The following RRM2 variants were observed in gnomAD, a reference collection of about 807,000 sequenced individuals.
RRM2 encodes ribonucleoside-diphosphate reductase subunit M2.
In RRM2, 6 loss-of-function variants were observed where a neutral mutation model predicts 45.9. The observed-to-expected ratio is 0.13, with a 90% CI of 0.07 to 0.26. The LOEUF is 0.26. Among genes scored for constraint, RRM2 ranks in the 10% least tolerant of loss-of-function variants. The pLI is 1.00. For missense variants in RRM2, 343 were observed against 489.5 expected, an observed-to-expected ratio of 0.70 and a Z score of 2.82; for synonymous variants, 177 against 173.0, an observed-to-expected ratio of 1.02 and a Z score of -0.18.
intron 3 of RRM2, among the ~76,000 whole-genome samples, chr2:10,184,807 A>C (rs1050056970): frequency 3.9e-5 from 6 of 152,170 alleles, no homozygotes; most frequent in African/African-American, 1.4e-4. Context: ...TCAACCATCC[A>C]CTTCTTGTGC....
In RRM2 at chr2:10,125,433, C is replaced by T. The variant is rs147566577; in HGVS notation, c.569+583C>T. ...CAAAGGTCAGCTTTAGGGTGGCGCG[C>T]GGTGGTTCTCGCCTGTAATCCCAGC... On this transcript the variant is annotated intron_variant, in intron 5 of 9. Transcript: ENST00000304567. Among the ~76,000 whole-genome samples, 344 of 152,196 alleles carry T rather than the reference C, an allele frequency of 2.3e-3. 1 individual carries two copies. The highest frequency in any genetic ancestry group is 7.9e-3 in the African/African-American group (327 of 41,526).
Position 10,127,293 on chromosome 2 carries a change from G to T in RRM2, c.798+73G>T, listed in dbSNP as rs952587321. On this transcript the variant is annotated intron_variant, in intron 7 of 9. Transcript: ENST00000304567. The surrounding 1 kb of genome is among the most constrained non-coding windows in gnomAD (Gnocchi z 4.1). ...CGGGCATGCTCTTGTGTTCACTGAC[G>T]GGGACCTGAGATGCTAGATGGCATA... 3.3e-6 allele frequency: 5 copies of T among 1,497,384 alleles called. No individual in the cohort carries two copies. The African/African-American group carries it at 4.1e-5, about 12-fold the overall frequency. The allele number at this position is 1,497,384 out of a possible 1,614,324, so 92.8% of individuals were successfully genotyped here. A position where few individuals can be genotyped will look rare whatever the true frequency, so the allele number is the denominator to read the frequency against.
At chr2:10,140,936 G>A (rs1663067390), upstream of RRM2, among the ~76,000 whole-genome samples, 1 of 152,198 alleles carries the variant, frequency 6.6e-6, no homozygotes, top group African/African-American at 2.4e-5. Flanking sequence ...TAGGGAGAGG[G>A]ACCCTGAGCT....
intron 3 of RRM2, among the ~76,000 whole-genome samples, chr2:10,191,718 C>T (rs370794180): frequency 6.6e-6 from 1 of 152,110 alleles, no homozygotes; most frequent in African/African-American, 2.4e-5. Context: ...ACCAGGCTAA[C>T]CTGCGGGGTC....
intron 3 of RRM2, among the ~76,000 whole-genome samples, chr2:10,151,806 G>T (rs1663317420): frequency 6.6e-6 from 1 of 152,046 alleles, no homozygotes; most frequent in Non-Finnish European, 1.5e-5. Flanking sequence ...CCTCCGAGTG[G>T]GTGTCTAGTG....
At chr2:10,132,754 G>A (rs1313082585), downstream of RRM2, among the ~76,000 whole-genome samples, 1 of 152,206 alleles carries the variant, frequency 6.6e-6, no homozygotes, top group East Asian at 1.9e-4. Context: ...GATTTGTAAT[G>A]TCAGGTTGGC....
At chr2:10,148,413 T>C (rs1663237681) in intron 3 of RRM2, among the ~76,000 whole-genome samples, 1 of 149,768 alleles carries the variant, frequency 6.7e-6, no homozygotes, top group East Asian at 1.9e-4. Flanking sequence ...AAAAAAAATA[T>C]TCAGTTATTG....
In RRM2 at chr2:10,169,206, T is replaced by TC. The variant is rs1439557753; in HGVS notation, n.482+26834dup. On this transcript the variant is annotated intron_variant and non_coding_transcript_variant, in intron 3 of 3. Coordinates refer to the RRM2 transcript ENST00000381786. The surrounding 1 kb of genome is among the most constrained non-coding windows in gnomAD (Gnocchi z 5.1). Reference sequence around the variant, plus strand: ...AGTGTTGCCCAGGCTAGTTTTGAACTCCCGGGCTCAATCCTCCTGCCTCAG... The same window carrying TC: ...AGTGTTGCCCAGGCTAGTTTTGAACTCCCCGGGCTCAATCCTCCTGCCTCAG... Among the ~76,000 whole-genome samples the TC allele has an allele frequency of 6.7e-6, 1 of 149,986 alleles. No individual in the cohort carries two copies. Among genetic ancestry groups the TC allele is most frequent in the Non-Finnish European group, 1.5e-5 (1 of 67,704 alleles).
chr2:10,144,821 C>A (rs1663155763), intron 3 of RRM2, among the ~76,000 whole-genome samples: 1 of 152,128 alleles, frequency 6.6e-6, no homozygotes, highest in Non-Finnish European at 1.5e-5. Context: ...ACATTGAGCA[C>A]CAAGGAGCTC....
intron 3 of RRM2, among the ~76,000 whole-genome samples, chr2:10,150,403 C>T (rs971909574): frequency 2.0e-5 from 3 of 149,404 alleles, no homozygotes; most frequent in African/African-American, 5.0e-5. Context: ...GCCGAGATCA[C>T]GCCACTGCAC....
Position 10,142,349 on chromosome 2 carries a change from G to A in RRM2, n.456G>A. The A allele has an allele frequency of 3.6e-6, 5 of 1,376,656 alleles. No individual in the cohort carries two copies. In the South Asian group the frequency reaches 5.7e-5, roughly 16 times the overall value. The allele number at this position is 1,376,656 out of a possible 1,614,324, so 85.3% of individuals were successfully genotyped here. Reference sequence around the variant, plus strand: ...AGGTGTTACTCGGGGTGCGCCAGTGGAAGCGGGAGGCAGTTGCAGCTTTCA... The same window carrying A: ...AGGTGTTACTCGGGGTGCGCCAGTGAAAGCGGGAGGCAGTTGCAGCTTTCA... On this transcript the variant is annotated non_coding_transcript_exon_variant, in exon 3 of 4. Coordinates refer to the RRM2 transcript ENST00000381786.
At chr2:10,149,477 T>A (rs1313433895) in intron 3 of RRM2, among the ~76,000 whole-genome samples, 2 of 152,242 alleles carry the variant, frequency 1.3e-5, no homozygotes, top group Non-Finnish European at 2.9e-5. Context: ...AAAAGTTTGC[T>A]GGCAATTTTC....
intron 3 of RRM2, among the ~76,000 whole-genome samples, chr2:10,188,861 C>A (rs527810585): frequency 2.6e-5 from 4 of 152,270 alleles, no homozygotes; most frequent in Admixed American, 6.5e-5. Flanking sequence ...CTCCTAGGAG[C>A]TTCTGTCTGA....
Position 10,127,509 on chromosome 2 carries a change from T to G in RRM2, c.798+289T>G. 3.4e-6 allele frequency: 1 copy of G among 290,584 alleles called. No homozygotes were observed. Among genetic ancestry groups the G allele is most frequent in the Non-Finnish European group, 6.5e-6 (1 of 153,606 alleles). The allele number at this position is 290,584 out of a possible 1,614,324, so 18.0% of individuals were successfully genotyped here. A position where few individuals can be genotyped will look rare whatever the true frequency, so the allele number is the denominator to read the frequency against. ...TTTTTGAGGTGACGGAATCTTGCTC[T>G]GTCGTTCCAGGCTGGAGTGCAATGG... is the stretch of plus-strand genomic sequence containing the variant. On this transcript the variant is annotated intron_variant, in intron 7 of 9. Coordinates refer to ENST00000304567, the MANE Select transcript of RRM2 (RefSeq NM_001034.4). The surrounding 1 kb of genome is among the most constrained non-coding windows in gnomAD (Gnocchi z 4.1).
chr2:10,133,587 C>T (rs1455502976), downstream of RRM2, among the ~76,000 whole-genome samples: 1 of 152,212 alleles, frequency 6.6e-6, no homozygotes, highest in Non-Finnish European at 1.5e-5. Flanking sequence ...GTGGCCTGGC[C>T]TCTTCCAGCA....
rs1662852268 is a variant in RRM2 at position 10,129,455 on chromosome 2, T to G, written c.*69T>G. On this transcript the variant is annotated 3_prime_UTR_variant, in exon 10 of 10. Coordinates refer to ENST00000304567, the MANE Select transcript of RRM2 (RefSeq NM_001034.4). The surrounding 1 kb of genome is among the most constrained non-coding windows in gnomAD (Gnocchi z 4.8). ...ATCTCATAAGAAAAATCAGCTGAAG[T>G]GTTACCAACTAGCCACACCATGAAT... 1 of 1,474,644 alleles carries G rather than the reference T, an allele frequency of 6.8e-7. No homozygotes were observed. The highest frequency in any genetic ancestry group is 9.2e-7 in the Non-Finnish European group (1 of 1,082,580). 91.3% of individuals were successfully genotyped at this position (1,474,644 alleles called of 1,614,324 possible).
chr2:10,125,394 G>C (rs773788307), intron 5 of RRM2, among the ~76,000 whole-genome samples: 3 of 152,166 alleles, frequency 2.0e-5, no homozygotes, highest in Non-Finnish European at 4.4e-5. Context: ...TGGGCTGCTG[G>C]AGTAGTCTAG....
intron 3 of RRM2, among the ~76,000 whole-genome samples, chr2:10,149,793 T>G (rs1218272372): frequency 6.6e-6 from 1 of 152,206 alleles, no homozygotes; most frequent in African/African-American, 2.4e-5. Flanking sequence ...ATTGTCTGTG[T>G]CTGATCTGCT....
In RRM2 at chr2:10,126,984, G is replaced by C; in HGVS notation, c.664+15G>C. ...GGCTACCTATGGTAAGGAGACCCTT[G>C]CCCCTACTTAAACCTGAGCTTCATT... On this transcript the variant is annotated intron_variant, in intron 6 of 9. Coordinates refer to ENST00000304567, the MANE Select transcript of RRM2 (RefSeq NM_001034.4). 1 of 1,612,322 alleles carries C rather than the reference G, an allele frequency of 6.2e-7. No individual in the cohort carries two copies. The highest frequency in any genetic ancestry group is 8.5e-7 in the Non-Finnish European group (1 of 1,178,568).
Sources: gnomAD v4.1 joint callset for allele counts (sites outside exome capture counted in the v4.1 genomes callset) on GRCh38, gnomAD v4.1.1 for gene constraint, Gnocchi (gnomAD v3.1) non-coding constraint, MANE v1.5 for transcripts, NCBI Gene and HGNC (gene_info 2026-07-23, HGNC 2026-07-21) for gene names.